ASXL3: variants seen among roughly 807,000 people sequenced by gnomAD.
ASXL3 encodes putative Polycomb group protein ASXL3.
ASXL3 carries 34 observed loss-of-function variants against 170.6 expected under a neutral mutation model. The observed-to-expected ratio is 0.20, with a 90% CI of 0.15 to 0.27. The LOEUF is 0.27. ASXL3 is among the 10% of genes least tolerant of loss of function. The pLI is 1.00. For missense variants in ASXL3, 2,592 were observed against 2,695.3 expected (o/e 0.96, Z 0.85); for synonymous variants, 1,002 against 989.1 (o/e 1.01, Z -0.24).
At chr18:33,589,014 A>G (rs1599372173) in intron 1 of ASXL3, among the ~76,000 whole-genome samples, 1 of 152,082 alleles carries the variant, frequency 6.6e-6, no homozygotes, top group East Asian at 1.9e-4. Flanking sequence ...GTTTTTAAAT[A>G]CTATAGTTAT....
intron 5 of ASXL3, among the ~76,000 whole-genome samples, chr18:33,668,736 T>C (rs1289901445): frequency 6.6e-6 from 1 of 152,118 alleles, no homozygotes; most frequent in Non-Finnish European, 1.5e-5. Flanking sequence ...TATAGCAGAG[T>C]CCTCTCAGCT....
At chr18:33,582,706 C>G (rs199809783) in intron 1 of ASXL3, among the ~76,000 whole-genome samples, 2 of 135,952 alleles carry the variant, frequency 1.5e-5, no homozygotes, top group African/African-American at 5.6e-5. Context: ...TGGTTTTTTT[C>G]TGTGTGTGTG....
rs761706970 is a variant in ASXL3, at chr18:33,743,864, C to T, written c.4016C>T (p.Thr1339Ile). 1.2e-6 allele frequency: 2 copies of T among 1,614,040 alleles called. No individual in the cohort carries two copies. Among genetic ancestry groups the T allele is most frequent in the Non-Finnish European group, 1.7e-6 (2 of 1,179,896 alleles). ...SASNLVSTQY[T>I]SVPTPSIGNN... ...AGTAACTTAGTCTCCACTCAGTACA[C>T]CTCTGTGCCAACTCCCTCCATCGGA... The change falls in exon 12 of 12, where the codon ACC becomes ATC. Residue 1339 changes from threonine to isoleucine, a missense_variant. By Grantham distance (89) the Thr-to-Ile change is moderately conservative. Around this residue, in one of 4 missense-constraint regions of ASXL3, gnomAD observed 2,246 missense variants for 2,219.6 expected, o/e 1.01. Transcript: ENST00000269197.
intron 7 of ASXL3, among the ~76,000 whole-genome samples, chr18:33,678,077 ATTATTTAT>A (rs140094203): frequency 0.024 from 3,636 of 149,256 alleles, 149 homozygotes; most frequent in African/African-American, 0.084. Context: ...TTATGTATTT[ATTATTTAT>A]TTATTTATTT....
At chr18:33,613,051 A>G (rs1406079323) in intron 2 of ASXL3, among the ~76,000 whole-genome samples, 3 of 152,130 alleles carry the variant, frequency 2.0e-5, no homozygotes, top group Admixed American at 2.0e-4. Flanking sequence ...ACAGAAACAT[A>G]GGGCAATTTG....
At chr18:33,723,440 C>T (rs1179867138) in intron 8 of ASXL3, among the ~76,000 whole-genome samples, 1 of 152,106 alleles carries the variant, frequency 6.6e-6, no homozygotes, top group Non-Finnish European at 1.5e-5. Context: ...TGGAGGAAGT[C>T]ACTGCAGATG....
chr18:33,725,393 T>C (rs938701850), intron 8 of ASXL3, among the ~76,000 whole-genome samples: 35 of 152,122 alleles, frequency 2.3e-4, no homozygotes, highest in African/African-American at 7.5e-4. Context: ...CTTACACCTA[T>C]CAATATGATG....
chr18:33,646,480 A>G, intron 4 of ASXL3, 127 bp downstream of exon 4: 1 of 608,290 alleles, frequency 1.6e-6, no homozygotes. Context: ...TACCGCTGAG[A>G]TTTATCATCA....
rs2065911225 is a variant in ASXL3 at position 33,646,238 on chromosome 18, A to C, written c.247-7A>C. The C allele has an allele frequency of 6.2e-7, 1 of 1,606,820 alleles. No individual in the cohort carries two copies. The highest frequency in any genetic ancestry group is 1.1e-5 in the South Asian group (1 of 90,510). On this transcript the variant is annotated splice_region_variant and splice_polypyrimidine_tract_variant and intron_variant, in intron 3 of 11. Transcript: ENST00000269197. ...TCCATAAATCATCACTTTTCAAAAT[A>C]ATACAGAAAGAGGAGTCGTCATGCC...
chr18:33,623,194 C>T (rs935166845), intron 2 of ASXL3, among the ~76,000 whole-genome samples: 3 of 152,136 alleles, frequency 2.0e-5, no homozygotes, highest in Non-Finnish European at 4.4e-5. Flanking sequence ...ATCACTTTAT[C>T]TTTGCAATTT....
At chr18:33,675,626 C>T (rs763181100) in intron 7 of ASXL3, among the ~76,000 whole-genome samples, 11 of 151,996 alleles carry the variant, frequency 7.2e-5, no homozygotes, top group Non-Finnish European at 1.6e-4. Flanking sequence ...TCTGATTGTC[C>T]CCTAAGTGCT....
chr18:33,717,239 T>C (rs758955933), intron 8 of ASXL3, among the ~76,000 whole-genome samples: 5 of 152,104 alleles, frequency 3.3e-5, no homozygotes, highest in Admixed American at 2.6e-4. Context: ...AACAAAACAT[T>C]AAACTCTGCA....
chr18:33,617,896 G>T (rs1177467435), intron 2 of ASXL3, among the ~76,000 whole-genome samples: 1 of 152,108 alleles, frequency 6.6e-6, no homozygotes, highest in Non-Finnish European at 1.5e-5. Context: ...GGAGGAATAG[G>T]CATTTAACTG....
chr18:33,667,236 T>C (rs1375231303), intron 5 of ASXL3, among the ~76,000 whole-genome samples: 3 of 152,076 alleles, frequency 2.0e-5, no homozygotes, highest in Admixed American at 2.0e-4. Context: ...TCTAGTCTTC[T>C]CACTCCTATT....
rs1365723248 is a variant in ASXL3 at position 33,738,555 on chromosome 18, G to A, written c.1151G>A (p.Ser384Asn). The A allele has an allele frequency of 6.2e-7, 1 of 1,613,800 alleles. No individual in the cohort carries two copies. Among genetic ancestry groups the A allele is most frequent in the Non-Finnish European group, 8.5e-7 (1 of 1,179,810 alleles). Residue 384 changes from serine to asparagine, a missense_variant, in exon 11 of 12, where the codon AGT (serine) becomes AAT (asparagine). Around this residue, in one of 4 missense-constraint regions of ASXL3, gnomAD observed 2,246 missense variants for 2,219.6 expected, o/e 1.01. Coordinates refer to ENST00000269197, the MANE Select transcript of ASXL3 (RefSeq NM_030632.3). ...TGPNNAGAQS[S>N]SSCGTSGLPV... ...CCAAACAACGCTGGAGCTCAAAGTAGTTCTTCATGTGGGACTTCTGGCCTT... is the reference window on the plus strand; with the variant it reads ...CCAAACAACGCTGGAGCTCAAAGTAATTCTTCATGTGGGACTTCTGGCCTT...
chr18:33,718,552 G>A (rs1370277554), intron 8 of ASXL3, among the ~76,000 whole-genome samples: 1 of 152,070 alleles, frequency 6.6e-6, no homozygotes, highest in African/African-American at 2.4e-5. Flanking sequence ...TGAAATCAGC[G>A]CACTGACATC....
intron 8 of ASXL3, among the ~76,000 whole-genome samples, chr18:33,719,140 C>T (rs2067216630): frequency 6.6e-6 from 1 of 152,028 alleles, no homozygotes; most frequent in Non-Finnish European, 1.5e-5. Flanking sequence ...AAAACAACAG[C>T]AACAATCTTG....
At position 33,745,518 on chromosome 18, in the gene ASXL3, C is replaced by T. The variant is rs1304288020; in HGVS notation, c.5670C>T (p.His1890=). ...ACTCCATGCAGAACAGAATTGTTCACAGCCCTGAGGTCAAACAGCAAAAGC... is the reference window on the plus strand; with the variant it reads ...ACTCCATGCAGAACAGAATTGTTCATAGCCCTGAGGTCAAACAGCAAAAGC... ...NKHSMQNRIV[H]SPEVKQQKRL... is the part of the protein sequence containing the mutation. Residue 1890 remains histidine, a synonymous_variant, in exon 12 of 12, where the codon CAC becomes CAT. Coordinates refer to ENST00000269197, the MANE Select transcript of ASXL3 (RefSeq NM_030632.3). The T allele has an allele frequency of 2.5e-6, 4 of 1,613,900 alleles. No homozygotes were observed. The highest frequency in any genetic ancestry group is 3.4e-6 in the Non-Finnish European group (4 of 1,179,916).
At chr18:33,704,586 A>C (rs1280742647) in intron 8 of ASXL3, among the ~76,000 whole-genome samples, 1 of 152,048 alleles carries the variant, frequency 6.6e-6, no homozygotes, top group Non-Finnish European at 1.5e-5. Flanking sequence ...ACATTTTATA[A>C]TCTAGAAGCA....
Sources: allele counts gnomAD v4.1 joint callset (sites outside exome capture counted in the v4.1 genomes callset), GRCh38; gene constraint gnomAD v4.1.1; regional missense constraint gnomAD v4.1.1; transcripts MANE v1.5; gene names NCBI Gene and HGNC (gene_info 2026-07-23, HGNC 2026-07-21).